FRMD6: variants seen among roughly 807,000 people sequenced by gnomAD.
The protein encoded by FRMD6 is FERM domain containing 6, also known as FERM domain-containing protein 6.
FRMD6 carries 37 observed loss-of-function variants against 73.2 expected under a neutral mutation model. That is an observed-to-expected ratio of 0.51 (90% CI 0.39 to 0.66). FRMD6 has a LOEUF of 0.66. Among genes scored for constraint, FRMD6 ranks in the 30% least tolerant of loss-of-function variants. The pLI is 0.00. For missense variants in FRMD6, 714 were observed against 780.5 expected (o/e 0.91, Z 1.02); for synonymous variants, 273 against 282.2 (o/e 0.97, Z 0.33).
At chr14:51,469,982 A>C in the FRMD6 span, among the ~76,000 whole-genome samples, 1 of 152,152 alleles carries the variant, frequency 6.6e-6, no homozygotes, top group South Asian at 2.1e-4. Flanking sequence ...TTACATAGAC[A>C]CAGGGCTATT....
intron 1 of FRMD6, among the ~76,000 whole-genome samples, chr14:51,528,342 A>G (rs1885381228): frequency 1.3e-5 from 2 of 152,176 alleles, no homozygotes; most frequent in Admixed American, 6.5e-5. Flanking sequence ...ACAAAGCACT[A>G]GGAGCACTAG....
At chr14:51,519,132 C>T (rs865825221) in intron 1 of FRMD6, among the ~76,000 whole-genome samples, 11 of 151,884 alleles carry the variant, frequency 7.2e-5, no homozygotes, top group African/African-American at 1.9e-4. Flanking sequence ...GGATGTTGTA[C>T]GTTTTCCCAA....
intron 1 of FRMD6, among the ~76,000 whole-genome samples, chr14:51,541,362 C>T (rs1886191778): frequency 6.6e-6 from 1 of 152,080 alleles, no homozygotes; most frequent in Admixed American, 6.6e-5. Context: ...GACTGAAGTA[C>T]TCATCTAGAT....
chr14:51,497,164 T>A (rs1267554001), intron 1 of FRMD6, among the ~76,000 whole-genome samples: 1 of 152,150 alleles, frequency 6.6e-6, no homozygotes, highest in Admixed American at 6.6e-5. Flanking sequence ...GCAGGCAGAA[T>A]TCCTTGATTA....
Position 51,673,979 on chromosome 14 carries a change from T to C in FRMD6, c.-146-15712T>C, listed in dbSNP as rs575346045. ...AGCTACAGTTTTCAGTTATTATACATGGAAGCTTAGGAAACATCACGACTT... is the reference window on the plus strand; with the variant it reads ...AGCTACAGTTTTCAGTTATTATACACGGAAGCTTAGGAAACATCACGACTT... On this transcript the variant is annotated intron_variant, in intron 1 of 13. Transcript: ENST00000344768. Among the ~76,000 whole-genome samples, 8 of 152,318 alleles carry C rather than the reference T, an allele frequency of 5.3e-5. No homozygotes were observed. The East Asian group carries it at 1.3e-3, about 26-fold the overall frequency.
chr14:51,561,480 G>A (rs111642601), intron 1 of FRMD6, among the ~76,000 whole-genome samples: 28 of 152,284 alleles, frequency 1.8e-4, no homozygotes, highest in African/African-American at 6.3e-4. Flanking sequence ...GAGCAGCCGG[G>A]GAAGTATCTT....
rs1210406821 is a variant in FRMD6, at chr14:51,704,770, T to C, written c.393T>C (p.Tyr131=). 1.2e-6 allele frequency: 2 copies of C among 1,612,702 alleles called. No individual in the cohort carries two copies. Reference sequence around the variant, plus strand: ...CTAGTGACAGAGCAGCAAGATACTATTATTACTGGCACCTGAGAAAACAAG... The same window carrying C: ...CTAGTGACAGAGCAGCAAGATACTACTATTACTGGCACCTGAGAAAACAAG... The part of the protein sequence containing the change: ...RLISDRAARY[Y]YYWHLRKQVL... Residue 131 remains tyrosine, a synonymous_variant, in exon 6 of 14, where the codon TAT becomes TAC. Transcript: ENST00000344768.
intron 1 of FRMD6, among the ~76,000 whole-genome samples, chr14:51,688,895 CTA>C (rs1243085362): frequency 6.6e-6 from 1 of 152,152 alleles, no homozygotes; most frequent in Non-Finnish European, 1.5e-5. Flanking sequence ...ACAAAATTCT[CTA>C]TGTCAAAAAC....
chr14:51,461,596 A>T, the FRMD6 span, among the ~76,000 whole-genome samples: 4 of 152,236 alleles, frequency 2.6e-5, no homozygotes, highest in Non-Finnish European at 4.4e-5. Flanking sequence ...TGGTCTTTTG[A>T]TGTCCTTCAA....
chr14:51,536,940 C>G (rs1437028895), intron 1 of FRMD6, among the ~76,000 whole-genome samples: 1 of 152,074 alleles, frequency 6.6e-6, no homozygotes, highest in East Asian at 1.9e-4. Context: ...CCTGACTACC[C>G]CCTGCCCCCC....
chr14:51,582,679 T>C (rs1888793682), intron 2 of FRMD6, among the ~76,000 whole-genome samples: 1 of 152,212 alleles, frequency 6.6e-6, no homozygotes, highest in Admixed American at 6.5e-5. Flanking sequence ...TAATATTTGA[T>C]GTCATGACAC....
chr14:51,537,412 G>A (rs763705140), intron 1 of FRMD6, among the ~76,000 whole-genome samples: 1 of 152,184 alleles, frequency 6.6e-6, no homozygotes. Flanking sequence ...CGTACTGAAG[G>A]CTACCTCGGC....
intron 2 of FRMD6, among the ~76,000 whole-genome samples, chr14:51,693,233 T>A (rs1441861617): frequency 6.6e-6 from 1 of 152,102 alleles, no homozygotes; most frequent in Non-Finnish European, 1.5e-5. Flanking sequence ...CGCTGCAGGG[T>A]GATTGTGAGA....
rs1171721059 is a variant in FRMD6 at position 51,586,648 on chromosome 14, C to CT, written c.-147+16240dup. ...GAGGACTTGCTAAAAAATTATTTGC[C>CT]TTGGGCAATGTCTAGAAGAATATTT... On this transcript the variant is annotated intron_variant, in intron 2 of 14. Transcript: ENST00000356218. Among the ~76,000 whole-genome samples, 19 of 152,066 alleles carry CT rather than the reference C, an allele frequency of 1.2e-4. 1 individual carries two copies. The South Asian group carries it at 1.5e-3, about 12-fold the overall frequency.
intron 2 of FRMD6, chr14:51,643,762 G>A (rs1054660504): frequency 4.6e-5 from 7 of 152,230 alleles, no homozygotes; most frequent in African/African-American, 1.4e-4. Flanking sequence ...GTTAAACCTT[G>A]GATGGAGGTG....
intron 1 of FRMD6, among the ~76,000 whole-genome samples, chr14:51,549,595 C>T (rs201774426): frequency 0.18 from 17,681 of 98,558 alleles, 2,148 homozygotes; most frequent in Middle Eastern, 0.29. Flanking sequence ...TTTTTTCTTT[C>T]TTTTTTTTTT....
the FRMD6 span, among the ~76,000 whole-genome samples, chr14:51,462,140 G>A: frequency 6.6e-6 from 1 of 152,124 alleles, no homozygotes; most frequent in Non-Finnish European, 1.5e-5. Context: ...AAAAGCAGTG[G>A]GACTAATTTT....
chr14:51,715,125 A>G (rs1367874426), intron 9 of FRMD6, 200 bp from the exon 10 acceptor site: 1 of 437,242 alleles, frequency 2.3e-6, no homozygotes, highest in Non-Finnish European at 4.0e-6. Flanking sequence ...TTGTGGCTAG[A>G]TGCTTTCCTG....
At chr14:51,466,557 G>A in the FRMD6 span, among the ~76,000 whole-genome samples, 1 of 152,054 alleles carries the variant, frequency 6.6e-6, no homozygotes, top group Non-Finnish European at 1.5e-5. Flanking sequence ...AAATTAATTG[G>A]TTATATATGT....
Sources: gnomAD v4.1 joint callset for allele counts (sites outside exome capture counted in the v4.1 genomes callset) on GRCh38, gnomAD v4.1.1 for gene constraint, MANE v1.5 for transcripts, NCBI Gene and HGNC (gene_info 2026-07-23, HGNC 2026-07-21) for gene names.